The following EYS variants were observed in gnomAD, a reference collection of about 807,000 sequenced individuals.
The protein encoded by EYS is EGF-like photoreceptor maintenance factor.
In EYS, 250 loss-of-function variants were observed where a neutral mutation model predicts 282.1. The ratio of observed to expected loss-of-function variants is 0.89; its 90% CI spans 0.80 to 0.98. EYS has a LOEUF of 0.98. EYS is among the 50% of genes least tolerant of loss of function. The pLI is 0.00. For missense variants in EYS, 4,016 were observed against 3,709.0 expected (o/e 1.08, Z -2.15); for synonymous variants, 1,355 against 1,282.9 (o/e 1.06, Z -1.20).
chr6:64,906,064 C>A (rs1338812958), intron 16 of EYS, among the ~76,000 whole-genome samples: 2 of 150,822 alleles, frequency 1.3e-5, no homozygotes, highest in Admixed American at 1.3e-4. Context: ...CAAAAAAACA[C>A]CTCAGAAGTT....
chr6:65,062,656 C>T (rs143643821), intron 12 of EYS, among the ~76,000 whole-genome samples: 3 of 152,054 alleles, frequency 2.0e-5, no homozygotes, highest in Non-Finnish European at 4.4e-5. Context: ...TTTCCAGCCA[C>T]ACTGAACTTC....
At chr6:63,835,192 A>G (rs1771770282) in intron 36 of EYS, among the ~76,000 whole-genome samples, 1 of 151,936 alleles carries the variant, frequency 6.6e-6, no homozygotes, top group Admixed American at 6.6e-5. Context: ...CCTAGAACTT[A>G]AAGTATAATA....
At chr6:65,221,450 A>G (rs1766462743) in intron 12 of EYS, among the ~76,000 whole-genome samples, 1 of 152,196 alleles carries the variant, frequency 6.6e-6, no homozygotes. Flanking sequence ...ATTGCTTCAG[A>G]GGGTGCAAGC....
intron 13 of EYS, among the ~76,000 whole-genome samples, chr6:65,031,024 T>A (rs1234226649): frequency 6.6e-6 from 1 of 151,586 alleles, no homozygotes; most frequent in Non-Finnish European, 1.5e-5. Context: ...AAAACAGATT[T>A]TAAACCAGCA....
chr6:64,383,259 C>T (rs1772808567), intron 29 of EYS, among the ~76,000 whole-genome samples: 1 of 152,112 alleles, frequency 6.6e-6, no homozygotes, highest in African/African-American at 2.4e-5. Context: ...CAAGATTGCA[C>T]CAGTGCACTT....
intron 2 of EYS, among the ~76,000 whole-genome samples, chr6:65,512,336 C>CA (rs1469024423): frequency 2.0e-5 from 3 of 151,374 alleles, no homozygotes; most frequent in Non-Finnish European, 4.4e-5. Context: ...ACTAAAAATA[C>CA]AAAAAATTAG....
chr6:65,331,058 T>C (rs1582148580), intron 11 of EYS: 1 of 984,380 alleles, frequency 1.0e-6, no homozygotes, highest in Non-Finnish European at 1.2e-6. Flanking sequence ...ATATGTGTTA[T>C]GTAGTCTGTC....
intron 13 of EYS, among the ~76,000 whole-genome samples, chr6:65,049,395 T>A (rs1475175771): frequency 6.6e-6 from 1 of 151,842 alleles, no homozygotes; most frequent in African/African-American, 2.4e-5. Context: ...TACGAGGATA[T>A]GCATGGCAGT....
intron 2 of EYS, among the ~76,000 whole-genome samples, chr6:65,639,444 A>AT (rs1562303300): frequency 6.6e-6 from 1 of 152,068 alleles, no homozygotes; most frequent in East Asian, 1.9e-4. Context: ...AAAGAGATGC[A>AT]TTTAATAATG....
At chr6:63,960,378 T>C (rs1216158939) in intron 35 of EYS, among the ~76,000 whole-genome samples, 1 of 152,204 alleles carries the variant, frequency 6.6e-6, no homozygotes, top group African/African-American at 2.4e-5. Context: ...TTGCTTCTTA[T>C]AAATGAGCAA....
chr6:63,942,949 T>A (rs1765287198), intron 35 of EYS, among the ~76,000 whole-genome samples: 1 of 152,210 alleles, frequency 6.6e-6, no homozygotes, highest in Non-Finnish European at 1.5e-5. Context: ...CATTTTCTTA[T>A]GATTTTCTTA....
chr6:65,415,617 A>G (rs1169214377), intron 5 of EYS, among the ~76,000 whole-genome samples: 1 of 152,140 alleles, frequency 6.6e-6, no homozygotes, highest in Non-Finnish European at 1.5e-5. Flanking sequence ...AGAGACATCA[A>G]TATAACAGGA....
At chr6:63,791,472 G>A (rs1388947295) in intron 37 of EYS, among the ~76,000 whole-genome samples, 1 of 151,964 alleles carries the variant, frequency 6.6e-6, no homozygotes, top group Non-Finnish European at 1.5e-5. Context: ...CAGCTATTCA[G>A]GAGGCTGAGG....
intron 19 of EYS, among the ~76,000 whole-genome samples, chr6:64,858,068 T>A (rs1361553984): frequency 6.6e-6 from 1 of 152,164 alleles, no homozygotes; most frequent in Non-Finnish European, 1.5e-5. Context: ...CTTTATTAAT[T>A]AGTTCCTTTG....
At chr6:65,161,861 C>T (rs1030826695) in intron 12 of EYS, among the ~76,000 whole-genome samples, 2 of 150,736 alleles carry the variant, frequency 1.3e-5, no homozygotes, top group African/African-American at 4.9e-5. Flanking sequence ...TACTTGCCAA[C>T]AAAATTAGGT....
intron 16 of EYS, among the ~76,000 whole-genome samples, chr6:64,910,333 T>A (rs1287396837): frequency 6.6e-6 from 1 of 152,132 alleles, no homozygotes; most frequent in Non-Finnish European, 1.5e-5. Context: ...TAGTCAACTT[T>A]TGAATTTTCT....
At chr6:64,713,376 A>T (rs1771272756) in intron 22 of EYS, 2 of 152,130 alleles carry the variant, frequency 1.3e-5, no homozygotes, top group African/African-American at 2.4e-5. Flanking sequence ...GATTCCTTTC[A>T]TGATGCTGTC....
Position 64,172,211 on chromosome 6 carries a change from CT to C in EYS, c.6424+58380del, listed in dbSNP as rs539097418. ...TATTGTACCTTACTTTCTTTGTCAT[CT>C]TTTTTTTTTAATTCTGGTAAGAACA... On this transcript the variant is annotated intron_variant, in intron 31 of 42. Coordinates refer to ENST00000503581, the MANE Select transcript of EYS (RefSeq NM_001142800.2). Among the ~76,000 whole-genome samples the C allele has an allele frequency of 4.2e-4, 62 of 148,750 alleles. 1 individual carries two copies. Among genetic ancestry groups the C allele is most frequent in the African/African-American group, 8.3e-4 (34 of 40,770 alleles).
At chr6:63,997,678 C>G (rs1195244458) in intron 34 of EYS, among the ~76,000 whole-genome samples, 1 of 152,144 alleles carries the variant, frequency 6.6e-6, no homozygotes, top group African/African-American at 2.4e-5. Flanking sequence ...TTCATTTCGT[C>G]AGCCTAAAGG....
Sources: allele counts gnomAD v4.1 joint callset (sites outside exome capture counted in the v4.1 genomes callset), GRCh38; gene constraint gnomAD v4.1.1; transcripts MANE v1.5; gene names NCBI Gene and HGNC (gene_info 2026-07-23, HGNC 2026-07-21).